The following ZFHX3 variants were observed in gnomAD, a reference collection of about 807,000 sequenced individuals.
ZFHX3 encodes the protein zinc finger homeobox protein 3.
ZFHX3 carries 42 observed loss-of-function variants against 279.1 expected under a neutral mutation model. The observed-to-expected ratio is 0.15, with a 90% CI of 0.12 to 0.19. The LOEUF is 0.19. Among genes scored for constraint, ZFHX3 ranks in the 10% least tolerant of loss-of-function variants. ZFHX3 has a pLI of 1.00. For synonymous variants in ZFHX3, 2,293 were observed against 1,957.8 expected (o/e 1.17, Z -4.52); for missense variants, 4,981 against 4,754.0 (o/e 1.05, Z -1.40).
intron 1 of ZFHX3, chr16:73,812,687 A>G (rs1363746634): frequency 6.6e-6 from 1 of 152,230 alleles, no homozygotes; most frequent in Non-Finnish European, 1.5e-5. Flanking sequence ...TATTCATCTC[A>G]GTATCCTCCT....
intron 3 of ZFHX3, among the ~76,000 whole-genome samples, chr16:72,922,245 G>A (rs1165446353): frequency 3.9e-5 from 6 of 152,114 alleles, no homozygotes; most frequent in Admixed American, 2.6e-4. Context: ...ATTCCTCCTT[G>A]CAGTTACTGC....
At chr16:73,817,373 T>G (rs1017172431) in intron 1 of ZFHX3, among the ~76,000 whole-genome samples, 4 of 152,198 alleles carry the variant, frequency 2.6e-5, no homozygotes, top group Non-Finnish European at 5.9e-5. Flanking sequence ...CTTCTCAAAG[T>G]TGCTCTGGCA....
At chr16:73,778,887 T>C (rs141705745) in intron 1 of ZFHX3, among the ~76,000 whole-genome samples, 109 of 152,340 alleles carry the variant, frequency 7.2e-4, no homozygotes, top group African/African-American at 2.0e-3. Context: ...ATCTGGGAAG[T>C]TGAAAGTAGG....
intron 4 of ZFHX3, among the ~76,000 whole-genome samples, chr16:72,870,466 T>G (rs1436732194): frequency 6.6e-6 from 1 of 151,426 alleles, no homozygotes; most frequent in African/African-American, 2.4e-5. Context: ...TCCCAGCACT[T>G]TGGGAGGCAG....
At position 73,001,700 on chromosome 16, in the gene ZFHX3, G is replaced by A. The variant is rs80284743; in HGVS notation, c.-49-41506C>T. Reference sequence around the variant, plus strand: ...CCAAGTGTGGTGGCACATGACTGTCGTCCCAGCTATTCAGGAGGCTGAGGT... The same window carrying A: ...CCAAGTGTGGTGGCACATGACTGTCATCCCAGCTATTCAGGAGGCTGAGGT... On this transcript the variant is annotated intron_variant, in intron 1 of 9. Transcript: ENST00000268489. Among the ~76,000 whole-genome samples the A allele has an allele frequency of 7.8e-4, 119 of 151,844 alleles. 2 individuals carry two copies. In the East Asian group the frequency reaches 0.018, roughly 23 times the overall value.
intron 8 of ZFHX3, among the ~76,000 whole-genome samples, chr16:73,079,282 TGG>T (rs1965919633): frequency 6.6e-6 from 1 of 151,868 alleles, no homozygotes; most frequent in Non-Finnish European, 1.5e-5. Context: ...CCCAGCACCT[TGG>T]GAGGCCAAGG....
intron 2 of ZFHX3, among the ~76,000 whole-genome samples, chr16:73,657,419 T>C (rs758340124): frequency 6.6e-6 from 1 of 152,154 alleles, no homozygotes; most frequent in African/African-American, 2.4e-5. Context: ...GATCGCGCCA[T>C]TGCACTCCAG....
intron 8 of ZFHX3, among the ~76,000 whole-genome samples, chr16:73,066,689 G>A (rs371716773): frequency 9.9e-5 from 15 of 152,176 alleles, no homozygotes; most frequent in African/African-American, 3.6e-4. Context: ...CCCCAGCAGT[G>A]GTCTGGAAAG....
intron 1 of ZFHX3, among the ~76,000 whole-genome samples, chr16:73,790,628 C>T (rs1277405852): frequency 1.3e-5 from 2 of 152,192 alleles, no homozygotes; most frequent in Non-Finnish European, 2.9e-5. Flanking sequence ...TCACTTTGCC[C>T]TTGAGTACAC....
chr16:73,321,341 C>T (rs2015570249), intron 3 of ZFHX3, among the ~76,000 whole-genome samples: 3 of 152,188 alleles, frequency 2.0e-5, no homozygotes, highest in African/African-American at 7.2e-5. Context: ...GGTGACCTCT[C>T]TGAGCCCCAG....
chr16:73,029,778 C>T (rs35180221), intron 1 of ZFHX3, among the ~76,000 whole-genome samples: 7,976 of 152,236 alleles, frequency 0.052, 235 homozygotes, highest in Middle Eastern at 0.099. Flanking sequence ...TTCATGCCAA[C>T]GACAGAGAGG....
intron 3 of ZFHX3, among the ~76,000 whole-genome samples, chr16:72,936,099 AG>A (rs1473114405): frequency 6.6e-6 from 1 of 152,242 alleles, no homozygotes; most frequent in African/African-American, 2.4e-5. Flanking sequence ...GGGTCAGTAC[AG>A]GAACAGAGCT....
intron 3 of ZFHX3, among the ~76,000 whole-genome samples, chr16:73,341,442 T>C (rs2016032500): frequency 6.6e-6 from 1 of 151,984 alleles, no homozygotes; most frequent in South Asian, 2.1e-4. Context: ...CCTTTAAACA[T>C]AAGAAAAAAA....
In ZFHX3 at chr16:72,914,721, G is replaced by A. The variant is rs113822949; in HGVS notation, c.3217-24759C>T. On this transcript the variant is annotated intron_variant, in intron 3 of 9. Transcript: ENST00000268489. Reference sequence around the variant, plus strand: ...AATAACATAGGCTAGGCTGGGTGCGGTGGCTCATGCCTATAATCCCAGCAC... The same window carrying A: ...AATAACATAGGCTAGGCTGGGTGCGATGGCTCATGCCTATAATCCCAGCAC... Among the ~76,000 whole-genome samples, 1,145 of 152,282 alleles carry A rather than the reference G, an allele frequency of 7.5e-3. 5 individuals are homozygous for A. Among genetic ancestry groups the A allele is most frequent in the Middle Eastern group, 0.02 (6 of 294 alleles).
At chr16:73,491,990 C>G (rs1253751962) in intron 2 of ZFHX3, among the ~76,000 whole-genome samples, 1 of 152,212 alleles carries the variant, frequency 6.6e-6, no homozygotes, top group Non-Finnish European at 1.5e-5. Flanking sequence ...CAGCCAGAAG[C>G]AATTGCTTCC....
At chr16:73,484,069 G>C (rs989934890) in intron 2 of ZFHX3, among the ~76,000 whole-genome samples, 2 of 151,996 alleles carry the variant, frequency 1.3e-5, no homozygotes, top group South Asian at 4.2e-4. Context: ...GGAGGGTCCG[G>C]GGGGAAGAGC....
At chr16:73,315,742 C>A (rs2015430947) in intron 4 of ZFHX3, among the ~76,000 whole-genome samples, 1 of 152,164 alleles carries the variant, frequency 6.6e-6, no homozygotes, top group African/African-American at 2.4e-5. Context: ...CGCAAAGTGC[C>A]TAAGGAGATG....
At chr16:73,357,978 C>T (rs147709382) in intron 3 of ZFHX3, among the ~76,000 whole-genome samples, 2 of 152,336 alleles carry the variant, frequency 1.3e-5, no homozygotes, top group Non-Finnish European at 2.9e-5. Flanking sequence ...GAGCCTCCCC[C>T]ATCCCCTCTC....
chr16:73,556,616 G>C (rs1212160912), intron 2 of ZFHX3, among the ~76,000 whole-genome samples: 1 of 152,062 alleles, frequency 6.6e-6, no homozygotes, highest in Non-Finnish European at 1.5e-5. Context: ...GGAAGCATGG[G>C]GAGGGTTAGG....
Sources: allele counts gnomAD v4.1 joint callset (sites outside exome capture counted in the v4.1 genomes callset), GRCh38; gene constraint gnomAD v4.1.1; transcripts MANE v1.5; gene names NCBI Gene and HGNC (gene_info 2026-07-23, HGNC 2026-07-21).